The following ADHFE1 variants were observed in gnomAD, a reference collection of about 807,000 sequenced individuals.
The protein encoded by ADHFE1 is alcohol dehydrogenase iron containing 1.
In ADHFE1, 37 loss-of-function variants were observed where a neutral mutation model predicts 54.8. The ratio of observed to expected loss-of-function variants is 0.68; its 90% confidence interval spans 0.52 to 0.89. ADHFE1 has a LOEUF of 0.89. Among genes scored for constraint, ADHFE1 ranks in the 40% least tolerant of loss-of-function variants. The pLI, the probability that ADHFE1 is intolerant of heterozygous loss-of-function variation, is 0.00. For synonymous variants in ADHFE1, 203 were observed against 229.3 expected (o/e 0.89, Z 1.04); for missense variants, 601 against 591.2 (o/e 1.02, Z -0.17).
At chr8:66,453,900 T>C (rs1806439458) in intron 9 of ADHFE1, 159 bp from the exon 10 acceptor site, 1 of 1,513,456 alleles carries the variant, frequency 6.6e-7, no homozygotes, top group African/African-American at 1.4e-5. Context: ...TCAGTTTTCA[T>C]TTAGAAGACA....
At chr8:66,435,204 A>C (rs1404253757) in intron 1 of ADHFE1, among the ~76,000 whole-genome samples, 20 of 152,246 alleles carry the variant, frequency 1.3e-4, no homozygotes, top group Admixed American at 1.3e-3. Context: ...TGTTCAGAGC[A>C]GCCCTCACTA....
chr8:66,460,507 A>C (rs1806839748), intron 13 of ADHFE1, 42 bp downstream of exon 13: 1 of 1,523,390 alleles, frequency 6.6e-7, no homozygotes. Context: ...GAAGGAGCCT[A>C]GCGCCTCCAG....
intron 9 of ADHFE1, 78 bp downstream of exon 9, chr8:66,452,183 C>T (rs1031998202): frequency 6.5e-7 from 1 of 1,527,442 alleles, no homozygotes; most frequent in Admixed American, 1.9e-5. Flanking sequence ...CATGCCTGAG[C>T]CTGAAATATC....
At chr8:66,452,278 G>A (rs568769406) in intron 9 of ADHFE1, among the ~76,000 whole-genome samples, 173 bp downstream of exon 9, 1 of 152,320 alleles carries the variant, frequency 6.6e-6, no homozygotes, top group South Asian at 2.1e-4. Context: ...CCAAGGGACA[G>A]GCAGATGAAA....
intron 13 of ADHFE1, among the ~76,000 whole-genome samples, chr8:66,461,206 G>T (rs914578991): frequency 3.9e-5 from 6 of 152,184 alleles, no homozygotes; most frequent in Non-Finnish European, 8.8e-5. Flanking sequence ...ATGAGTGCTT[G>T]GTTGGTGGAC....
chr8:66,432,772 G>A (rs372511300), intron 1 of ADHFE1, 197 bp downstream of exon 1: 3 of 1,229,812 alleles, frequency 2.4e-6, no homozygotes, highest in Admixed American at 4.2e-5. Context: ...CTCTCAGGGC[G>A]CAGTGAGGCA....
intron 13 of ADHFE1, 102 bp downstream of exon 13, chr8:66,460,567 C>G: frequency 1.4e-6 from 2 of 1,422,002 alleles, no homozygotes; most frequent in Non-Finnish European, 1.9e-6. Context: ...AACCAGGGCT[C>G]CCCGGTGGTT....
At chr8:66,449,070 C>G in intron 8 of ADHFE1, 100 bp downstream of exon 8, 1 of 1,000,654 alleles carries the variant, frequency 1.0e-6, no homozygotes, top group Non-Finnish European at 1.5e-6. Context: ...GATTAGCACC[C>G]CACAACATCC....
chr8:66,441,125 A>C (rs935408428), intron 2 of ADHFE1, among the ~76,000 whole-genome samples: 1 of 152,284 alleles, frequency 6.6e-6, no homozygotes, highest in African/African-American at 2.4e-5. Flanking sequence ...GGTTTCAACA[A>C]TTAGTTAATT....
intron 8 of ADHFE1, among the ~76,000 whole-genome samples, chr8:66,450,503 A>G (rs1292898522): frequency 6.6e-6 from 1 of 152,248 alleles, no homozygotes; most frequent in Non-Finnish European, 1.5e-5. Context: ...AACTCCCCTC[A>G]TTAGGACTCC....
rs969606558 is a variant in ADHFE1 at position 66,445,130 on chromosome 8, A to C, written c.354-88A>C. On this transcript the variant is annotated intron_variant, in intron 5 of 13. Transcript: ENST00000396623. ...AAAAAACAAAAACAAAAAAAACCCC[A>C]CAAAACTTACCCCAAGCCTTAGTTA... The C allele has an allele frequency of 1.7e-5, 22 of 1,324,330 alleles. No individual in the cohort carries two copies. In the East Asian group the frequency reaches 5.3e-4, roughly 32 times the overall value. The allele number at this position is 1,324,330 out of a possible 1,614,324, so 82.0% of individuals were successfully genotyped here.
At chr8:66,436,260 G>A (rs1805463060) in intron 1 of ADHFE1, among the ~76,000 whole-genome samples, 1 of 152,120 alleles carries the variant, frequency 6.6e-6, no homozygotes, top group African/African-American at 2.4e-5. Context: ...ACTATGTAGG[G>A]TAACATTCAC....
In ADHFE1 at chr8:66,453,634, G is replaced by A. The variant is rs766194063; in HGVS notation, c.888-425G>A. On this transcript the variant is annotated intron_variant, in intron 9 of 13. Coordinates refer to ENST00000396623, the MANE Select transcript of ADHFE1 (RefSeq NM_144650.3). ...GAGGCCCCCAGTGGGTCCAGTGGGA[G>A]GCAGTGTCTCAGAGAGAAAGAGCGC... 29 of 1,272,136 alleles carry A rather than the reference G, an allele frequency of 2.3e-5. No homozygotes were observed. In the Admixed American group the frequency reaches 5.4e-4, roughly 24 times the overall value. 78.8% of individuals were successfully genotyped at this position (1,272,136 alleles called of 1,614,324 possible). A position where few individuals can be genotyped will look rare whatever the true frequency, so the allele number is the denominator to read the frequency against.
rs766808517 is a variant in ADHFE1, at chr8:66,460,481, G to T, written c.1320+16G>T. ...GCTGCCCCAGGTAAGAGACCGGCAG[G>T]CTCCTCACTCCCTGCGAAGGAGCCT... On this transcript the variant is annotated intron_variant, in intron 13 of 13. Coordinates refer to ENST00000396623, the MANE Select transcript of ADHFE1 (RefSeq NM_144650.3). 6.4e-7 allele frequency: 1 copy of T among 1,561,416 alleles called. No individual in the cohort carries two copies. The highest frequency in any genetic ancestry group is 8.7e-7 in the Non-Finnish European group (1 of 1,147,876).
In ADHFE1 at chr8:66,448,945, G is replaced by A. The variant is rs199559170; in HGVS notation, c.709G>A (p.Ala237Thr). 1.1e-4 allele frequency: 172 copies of A among 1,614,024 alleles called. No homozygotes were observed. In the East Asian group the frequency reaches 3.1e-3, roughly 29 times the overall value. The change falls in exon 8 of 14, where the codon GCC (alanine) becomes ACC (threonine). Residue 237 changes from alanine to threonine, a missense_variant. By Grantham distance (58) the Ala-to-Thr change is moderately conservative (BLOSUM62 0). Transcript: ENST00000396623. Reference protein sequence around the residue: ...HTLHMPARVVANSGFDVLCHA... With the variant: ...HTLHMPARVVTNSGFDVLCHA... ...CCTCCACATGCCTGCCCGAGTGGTC[G>A]CCAACAGTGGCTTTGATGTGCTTTG...
chr8:66,464,355 A>G (rs151132222), intron 13 of ADHFE1, among the ~76,000 whole-genome samples: 67 of 152,310 alleles, frequency 4.4e-4, no homozygotes, highest in African/African-American at 1.4e-3. Flanking sequence ...CTTGGCTTCA[A>G]ATACTTCTAA....
At chr8:66,445,192 C>T (rs774616319) in intron 5 of ADHFE1, 26 bp from the exon 6 acceptor site, 4 of 1,569,132 alleles carry the variant, frequency 2.5e-6, no homozygotes, top group Non-Finnish European at 2.6e-6. Context: ...ATATAACATA[C>T]TGGTTTTTAT....
At chr8:66,457,251 G>T in intron 12 of ADHFE1, 85 bp downstream of exon 12, 3 of 1,309,834 alleles carry the variant, frequency 2.3e-6, no homozygotes, top group Admixed American at 1.8e-5. Flanking sequence ...GGCTAAGTTG[G>T]GTGCATCACT....
At chr8:66,453,806 C>G (rs1806433391) in intron 9 of ADHFE1, 1 of 1,448,172 alleles carries the variant, frequency 6.9e-7, no homozygotes. Flanking sequence ...CGTTGCCTCC[C>G]CCGGCGCTTT....
Sources: allele counts gnomAD v4.1 joint callset (sites outside exome capture counted in the v4.1 genomes callset), GRCh38; gene constraint gnomAD v4.1.1; transcripts MANE v1.5; gene names NCBI Gene and HGNC (gene_info 2026-07-23, HGNC 2026-07-21).